ASPSCR1: variants seen among roughly 807,000 people sequenced by gnomAD.
ASPSCR1 encodes ASPSCR1 tether for SLC2A4, UBX domain containing.
Under a neutral mutation model 68.9 loss-of-function variants are expected in ASPSCR1, and 55 were observed. The observed-to-expected ratio is 0.80, with a 90% CI of 0.64 to 1.00. ASPSCR1 has a LOEUF of 1.00. ASPSCR1 is among the 50% of genes least tolerant of loss of function. ASPSCR1 has a pLI of 0.00. For missense variants in ASPSCR1, 765 were observed against 762.2 expected (o/e 1.00, Z -0.04); for synonymous variants, 352 against 332.6 (o/e 1.06, Z -0.63).
chr17:82,004,925 C>T (rs1002866457), intron 7 of ASPSCR1: 2 of 152,310 alleles, frequency 1.3e-5, no homozygotes, highest in African/African-American at 4.8e-5. Flanking sequence ...TGGGCTCCAT[C>T]TCCTGAACCT....
chr17:81,992,258 C>A (rs993788480), intron 4 of ASPSCR1, among the ~76,000 whole-genome samples: 2 of 152,156 alleles, frequency 1.3e-5, no homozygotes, highest in African/African-American at 4.8e-5. Flanking sequence ...GGAGTAGGGG[C>A]TGTGTCTCCT....
rs1316548439 is a variant in ASPSCR1 at position 82,003,430 on chromosome 17, A to T, written c.934-5607A>T. ...ACTGCTGCACTCCAGCCTGGGCAAC[A>T]GAGCGAGACGCTGTCTCAAAACAGA... On this transcript the variant is annotated intron_variant, in intron 7 of 15. Transcript: ENST00000306739. Among the ~76,000 whole-genome samples, 3 of 152,266 alleles carry T rather than the reference A, an allele frequency of 2.0e-5. No individual in the cohort carries two copies. The East Asian group carries it at 5.8e-4, about 29-fold the overall frequency.
At chr17:81,992,732 T>G (rs1322081060) in intron 4 of ASPSCR1, among the ~76,000 whole-genome samples, 1 of 152,248 alleles carries the variant, frequency 6.6e-6, no homozygotes, top group Non-Finnish European at 1.5e-5. Context: ...TCCTGAGCCC[T>G]GCGTCTCGGG....
chr17:81,996,502 A>G lies in ASPSCR1; in HGVS notation c.589A>G (p.Ser197Gly). Reference protein sequence around the residue: ...SSASAGQAAASAPLPLESGEL... With the variant: ...SSASAGQAAAGAPLPLESGEL... ...AGCGTCGGCTGGCCAGGCAGCCGCC[A>G]GCGCTCCACTTCCCTTGGAATCTGG... The change falls in exon 7 of 16, where the codon AGC becomes GGC. Residue 197 changes from serine to glycine, a missense_variant. Ser to Gly is a moderately conservative substitution (Grantham distance 56). Coordinates refer to ENST00000306739, the MANE Select transcript of ASPSCR1 (RefSeq NM_024083.4). The G allele has an allele frequency of 6.2e-7, 1 of 1,612,222 alleles. No individual in the cohort carries two copies. Among genetic ancestry groups the G allele is most frequent in the Non-Finnish European group, 8.5e-7 (1 of 1,179,414 alleles).
Position 82,017,057 on chromosome 17 carries a change from C to T in ASPSCR1, c.1592C>T (p.Thr531Met), listed in dbSNP as rs201931527. 120 of 1,610,326 alleles carry T rather than the reference C, an allele frequency of 7.5e-5. No individual in the cohort carries two copies. Among genetic ancestry groups the T allele is most frequent in the African/African-American group, 5.5e-4 (41 of 75,008 alleles). Residue 531 changes from threonine to methionine, a missense_variant, in exon 15 of 16, where the codon ACG becomes ATG. Thr to Met is a moderately conservative substitution (Grantham distance 81). Transcript: ENST00000306739. ...GTCCCCCCTGAGCCCATCCCAGGGACGGCCCAGCCCGTGAAGAGGAGCCTG... is the reference window on the plus strand; with the variant it reads ...GTCCCCCCTGAGCCCATCCCAGGGATGGCCCAGCCCGTGAAGAGGAGCCTG... ...ALVPPEPIPG[T>M]AQPVKRSLGK...
In ASPSCR1 at chr17:82,015,162, G is replaced by C. The variant is rs1287785720; in HGVS notation, c.1354-1314G>C. ...ACCAGAGCAGAGAACACGCTTGCCAGTGGTAGGAGATGGAGGCGACGTGGA... is the reference window on the plus strand; with the variant it reads ...ACCAGAGCAGAGAACACGCTTGCCACTGGTAGGAGATGGAGGCGACGTGGA... On this transcript the variant is annotated intron_variant, in intron 12 of 15. Coordinates refer to ENST00000306739, the MANE Select transcript of ASPSCR1 (RefSeq NM_024083.4). 11 of 1,598,212 alleles carry C rather than the reference G, an allele frequency of 6.9e-6. No homozygotes were observed. In the South Asian group the frequency reaches 1.2e-4, roughly 18 times the overall value.
intron 2 of ASPSCR1, among the ~76,000 whole-genome samples, chr17:81,980,597 G>T (rs2041764399): frequency 6.6e-6 from 1 of 152,218 alleles, no homozygotes; most frequent in Non-Finnish European, 1.5e-5. Flanking sequence ...ATAACCGGTT[G>T]CAGCTTGCAG....
At chr17:82,004,303 T>C (rs990738794) in intron 7 of ASPSCR1, 1 of 150,656 alleles carries the variant, frequency 6.6e-6, no homozygotes, top group South Asian at 2.1e-4. Context: ...CTGTCCTTAG[T>C]CCTGCCCGTC....
intron 7 of ASPSCR1, chr17:82,007,539 G>A (rs1796132967): frequency 6.6e-6 from 1 of 152,272 alleles, no homozygotes; most frequent in Admixed American, 6.5e-5. Context: ...ACCAGGCTGT[G>A]CCCTGGACGT....
rs927323798 is a variant in ASPSCR1 at position 81,989,693 on chromosome 17, G to A, written c.374+4086G>A. ...ATGGACACTGCCACGTGTTTGAAACGTTGCAGCTCCACTGCGAGGGTGTCA... is the reference window on the plus strand; with the variant it reads ...ATGGACACTGCCACGTGTTTGAAACATTGCAGCTCCACTGCGAGGGTGTCA... On this transcript the variant is annotated intron_variant, in intron 4 of 15. Coordinates refer to ENST00000306739, the MANE Select transcript of ASPSCR1 (RefSeq NM_024083.4). Among the ~76,000 whole-genome samples the A allele has an allele frequency of 2.0e-5, 3 of 152,192 alleles. 1 individual carries two copies. Among genetic ancestry groups the A allele is most frequent in the South Asian group, 4.1e-4 (2 of 4,834 alleles).
chr17:82,002,475 G>A (rs1459496493), intron 7 of ASPSCR1, among the ~76,000 whole-genome samples: 5 of 151,900 alleles, frequency 3.3e-5, no homozygotes, highest in Middle Eastern at 3.2e-3. Flanking sequence ...GGCTGGTCTC[G>A]CACTCCTGAC....
chr17:81,996,792 G>A lies in ASPSCR1; in HGVS notation c.879G>A (p.Gln293=). Residue 293 remains glutamine, a synonymous_variant, in exon 7 of 16, where the codon CAG becomes CAA. Coordinates refer to ENST00000306739, the MANE Select transcript of ASPSCR1 (RefSeq NM_024083.4). ...KKSKSGQDPQ[Q]EQEQERERDP... is the part of the protein sequence containing the mutation. ...CCAAGTCGGGCCAGGATCCCCAGCA[G>A]GAGCAGGAGCAGGAGCGGGAGCGGG... 1 of 1,608,724 alleles carries A rather than the reference G, an allele frequency of 6.2e-7. No homozygotes were observed. The highest frequency in any genetic ancestry group is 8.5e-7 in the Non-Finnish European group (1 of 1,178,282).
chr17:81,993,576 AC>A (rs938356750), intron 4 of ASPSCR1, among the ~76,000 whole-genome samples: 14 of 152,036 alleles, frequency 9.2e-5, no homozygotes, highest in African/African-American at 3.4e-4. Flanking sequence ...TGCACAGTGG[AC>A]CCCTGCGGCC....
chr17:81,991,428 G>C (rs2042159030), intron 4 of ASPSCR1, among the ~76,000 whole-genome samples: 1 of 152,212 alleles, frequency 6.6e-6, no homozygotes, highest in Non-Finnish European at 1.5e-5. Flanking sequence ...GGGTGTGCTG[G>C]GGTGTAGGGA....
chr17:82,001,482 G>C (rs530938487), intron 7 of ASPSCR1, among the ~76,000 whole-genome samples: 1 of 152,184 alleles, frequency 6.6e-6, no homozygotes, highest in Non-Finnish European at 1.5e-5. Flanking sequence ...GCCACCAAGC[G>C]TGGCTGGCAG....
intron 12 of ASPSCR1, 106 bp downstream of exon 12, chr17:82,012,389 G>A: frequency 3.6e-6 from 5 of 1,371,342 alleles, no homozygotes; most frequent in Non-Finnish European, 4.1e-6. Flanking sequence ...AGGCGCTGGG[G>A]CAGGATAATA....
chr17:81,979,281 G>A, intron 2 of ASPSCR1, 42 bp downstream of exon 2: 1 of 1,593,898 alleles, frequency 6.3e-7, no homozygotes. Flanking sequence ...GAGTATATCT[G>A]TGCCCCTGCC....
chr17:81,991,141 C>A (rs1271531747), intron 4 of ASPSCR1, among the ~76,000 whole-genome samples: 1 of 152,160 alleles, frequency 6.6e-6, no homozygotes, highest in Non-Finnish European at 1.5e-5. Context: ...CGTGAGGGAG[C>A]AGGGTGGGCT....
chr17:82,015,874 C>T, intron 12 of ASPSCR1: 1 of 173,020 alleles, frequency 5.8e-6, no homozygotes, highest in Non-Finnish European at 1.3e-5. Flanking sequence ...GGCTTTGATC[C>T]CAGGCGGCAC....
Sources: allele counts gnomAD v4.1 joint callset (sites outside exome capture counted in the v4.1 genomes callset), GRCh38; gene constraint gnomAD v4.1.1; transcripts MANE v1.5; gene names NCBI Gene and HGNC (gene_info 2026-07-23, HGNC 2026-07-21).